RTN4: variants seen among roughly 807,000 people sequenced by gnomAD.
The protein encoded by RTN4 is reticulon-4.
A neutral mutation model predicts 90.4 loss-of-function variants in RTN4; 32 were observed. The observed-to-expected ratio is 0.35, with a 90% CI of 0.27 to 0.48. The LOEUF (loss-of-function observed/expected upper bound fraction) is 0.48. RTN4 is among the 20% of genes least tolerant of loss of function. RTN4 has a pLI of 0.99. For missense variants in RTN4, 1,706 were observed against 1,430.2 expected (o/e 1.19, Z -3.11); for synonymous variants, 629 against 552.5 (o/e 1.14, Z -1.94).
At chr2:55,055,446 T>C (rs1457574894), upstream of RTN4, among the ~76,000 whole-genome samples, 1 of 152,146 alleles carries the variant, frequency 6.6e-6, no homozygotes, top group Non-Finnish European at 1.5e-5. Context: ...TCACTGTCTT[T>C]AAACATTGTT....
At chr2:55,107,343 T>C (rs1193328939) in intron 1 of RTN4, among the ~76,000 whole-genome samples, 2 of 130,172 alleles carry the variant, frequency 1.5e-5, no homozygotes, top group Non-Finnish European at 3.2e-5. Context: ...TTTCAGTTCA[T>C]AAATAAGTTT....
At chr2:55,099,643 C>T (rs2105054589) in intron 1 of RTN4, among the ~76,000 whole-genome samples, 1 of 152,190 alleles carries the variant, frequency 6.6e-6, no homozygotes, top group South Asian at 2.1e-4. Flanking sequence ...ATTTCTCAGA[C>T]ATACTAGTGG....
chr2:55,021,416 A>C (rs1338454058), intron 3 of RTN4, among the ~76,000 whole-genome samples: 1 of 150,468 alleles, frequency 6.6e-6, no homozygotes, highest in Non-Finnish European at 1.5e-5. Context: ...AAAAAATCTC[A>C]TATAGTGCCT....
At chr2:54,982,182 C>T (rs889007262) in intron 5 of RTN4, among the ~76,000 whole-genome samples, 13 of 152,002 alleles carry the variant, frequency 8.6e-5, no homozygotes, top group Non-Finnish European at 1.5e-4. Context: ...TCTCAAACTC[C>T]TGACCTCAGG....
chr2:55,018,834 A>G (rs968793640), intron 3 of RTN4, among the ~76,000 whole-genome samples: 3 of 152,150 alleles, frequency 2.0e-5, no homozygotes, highest in Non-Finnish European at 4.4e-5. Flanking sequence ...AGATCCCCAC[A>G]GTAGCAATGA....
chr2:55,134,695 T>G, the RTN4 span, among the ~76,000 whole-genome samples: 76 of 151,746 alleles, frequency 5.0e-4, no homozygotes, highest in Non-Finnish European at 9.1e-4. Context: ...TCTAGGTTTA[T>G]AATCTAATTC....
chr2:55,134,001 T>C, the RTN4 span, among the ~76,000 whole-genome samples: 1 of 151,780 alleles, frequency 6.6e-6, no homozygotes, highest in Non-Finnish European at 1.5e-5. Flanking sequence ...AAACAAAGAG[T>C]GGATTTTCAT....
chr2:55,084,125 T>A (rs1488421728), intron 1 of RTN4, among the ~76,000 whole-genome samples: 1 of 152,158 alleles, frequency 6.6e-6, no homozygotes, highest in African/African-American at 2.4e-5. Flanking sequence ...GTTGATCATG[T>A]CTACATGATT....
intron 1 of RTN4, among the ~76,000 whole-genome samples, chr2:55,108,581 G>A (rs1212323626): frequency 6.6e-6 from 1 of 152,038 alleles, no homozygotes; most frequent in East Asian, 1.9e-4. Context: ...CTCTAGTGGA[G>A]GGATGGGGGA....
At chr2:55,022,669 A>C (rs903525166) in intron 3 of RTN4, among the ~76,000 whole-genome samples, 19 of 151,840 alleles carry the variant, frequency 1.3e-4, no homozygotes, top group Admixed American at 1.2e-3. Context: ...GCCCTTTACC[A>C]AGGACTCTAA....
At chr2:55,100,535 C>T (rs1204453160) in intron 1 of RTN4, among the ~76,000 whole-genome samples, 1 of 152,100 alleles carries the variant, frequency 6.6e-6, no homozygotes. Context: ...GAAAGGGAAG[C>T]AGCAGACCTG....
At chr2:55,084,861 T>A (rs1331834212) in intron 1 of RTN4, among the ~76,000 whole-genome samples, 1 of 151,946 alleles carries the variant, frequency 6.6e-6, no homozygotes, top group Non-Finnish European at 1.5e-5. Context: ...CACAGCTCAC[T>A]GCAGCCTGAA....
Position 54,983,352 on chromosome 2 carries a change from T to TAAAA in RTN4, c.3222-703_3222-700dup, listed in dbSNP as rs951061932. On this transcript the variant is annotated intron_variant, in intron 4 of 8. Transcript: ENST00000337526. ...ATAAATAAATAAATAAATAAATAAATAAAAATACTATACTGGGGAAAAAGT... is the reference window on the plus strand; with the variant it reads ...ATAAATAAATAAATAAATAAATAAATAAAAAAAAATACTATACTGGGGAAAAAGT... Among the ~76,000 whole-genome samples, 180 of 141,504 alleles carry TAAAA rather than the reference T, an allele frequency of 1.3e-3. 3 individuals carry two copies. Among genetic ancestry groups the TAAAA allele is most frequent in the Admixed American group, 8.8e-3 (126 of 14,292 alleles). The allele number at this position is 141,504 out of a possible 152,430, so 92.8% of individuals were successfully genotyped here.
At chr2:55,125,558 G>C in the RTN4 span, among the ~76,000 whole-genome samples, 1 of 152,222 alleles carries the variant, frequency 6.6e-6, no homozygotes, top group Admixed American at 6.5e-5. Context: ...TTGAGGTTAT[G>C]AGTTCGAGAC....
At chr2:55,078,145 C>T (rs114782186) in intron 2 of RTN4, among the ~76,000 whole-genome samples, 3,864 of 151,784 alleles carry the variant, frequency 0.025, 76 homozygotes, top group South Asian at 0.035. Context: ...TTCATGTAAC[C>T]AAACACAACC....
intron 5 of RTN4, among the ~76,000 whole-genome samples, chr2:54,979,726 G>GA (rs112299259): frequency 8.2e-4 from 125 of 152,326 alleles, no homozygotes; most frequent in African/African-American, 3.0e-3. Context: ...TTCATGGGGA[G>GA]AAAAGGACAG....
At chr2:55,052,025 T>A (rs1351802059), upstream of RTN4, among the ~76,000 whole-genome samples, 1 of 152,198 alleles carries the variant, frequency 6.6e-6, no homozygotes, top group African/African-American at 2.4e-5. Flanking sequence ...TACTGTGGCT[T>A]AATTTGGGTA....
rs1677171919 is a variant in RTN4, at chr2:54,972,668, A to AACAT, written c.*484_*487dup. On this transcript the variant is annotated 3_prime_UTR_variant, in exon 9 of 9. Coordinates refer to ENST00000337526, the MANE Select transcript of RTN4 (RefSeq NM_020532.5). ...ACAGTAAAAGTCACAATACACCTAG[A>AACAT]ACATACCAGAAAAGCAAGCTTTGTC... The AACAT allele has an allele frequency of 6.5e-6, 1 of 153,310 alleles. No homozygotes were observed. Among genetic ancestry groups the AACAT allele is most frequent in the African/African-American group, 2.4e-5 (1 of 41,474 alleles). The allele number at this position is 153,310 out of a possible 1,614,324, so 9.5% of individuals were successfully genotyped here. A position where few individuals can be genotyped will look rare whatever the true frequency, so the allele number is the denominator to read the frequency against.
rs1011094083 is a variant in RTN4, at chr2:54,973,866, A to C, written c.3432T>G (p.Ala1144=). The C allele has an allele frequency of 6.2e-7, 1 of 1,612,030 alleles. No homozygotes were observed. Among genetic ancestry groups the C allele is most frequent in the Non-Finnish European group, 8.5e-7 (1 of 1,179,120 alleles). Residue 1144 remains alanine, a splice_region_variant and synonymous_variant, in exon 7 of 9, where the codon GCT becomes GCG. Coordinates refer to ENST00000337526, the MANE Select transcript of RTN4 (RefSeq NM_020532.5). ...LFNGLTLLIL[A]LISLFSVPVI... is the part of the protein sequence containing the mutation. ...CAGGAACACTGAAGAGTGAAATGAGAGCTGAAAAGGGAAATATACAACTTT... is the reference window on the plus strand; with the variant it reads ...CAGGAACACTGAAGAGTGAAATGAGCGCTGAAAAGGGAAATATACAACTTT...
Sources: allele counts gnomAD v4.1 joint callset (sites outside exome capture counted in the v4.1 genomes callset), GRCh38; gene constraint gnomAD v4.1.1; transcripts MANE v1.5; gene names NCBI Gene and HGNC (gene_info 2026-07-23, HGNC 2026-07-21).